CLEC4A: variants seen among roughly 807,000 people sequenced by gnomAD.
CLEC4A encodes the protein C-type lectin domain family 4 member A, also known as C-type (calcium dependent, carbohydrate-recognition domain) lectin, superfamily member 6.
A neutral mutation model predicts 32.7 loss-of-function variants in CLEC4A; 27 were observed. That is an observed-to-expected ratio of 0.83 (90% CI 0.61 to 1.14). The LOEUF (loss-of-function observed/expected upper bound fraction) is 1.14, where lower values mean the gene tolerates loss of function less well. Ranked by LOEUF, CLEC4A falls within the 50% of genes most tolerant of loss-of-function variation. The pLI, the probability that CLEC4A is intolerant of heterozygous loss-of-function variation, is 0.00. For synonymous variants in CLEC4A, 89 were observed against 93.7 expected (o/e 0.95, Z 0.29); for missense variants, 253 against 274.6 (o/e 0.92, Z 0.55).
At chr12:8,129,065 T>C (rs1307199012) in intron 2 of CLEC4A, among the ~76,000 whole-genome samples, 199 bp from the exon 3 acceptor site, 1 of 152,136 alleles carries the variant, frequency 6.6e-6, no homozygotes. Flanking sequence ...ATGATGGAAC[T>C]GTTGTGTCCT....
chr12:8,105,579 C>T, the CLEC4A span, among the ~76,000 whole-genome samples: 65 of 151,820 alleles, frequency 4.3e-4, no homozygotes, highest in East Asian at 1.2e-3. Flanking sequence ...CTCAAACTCC[C>T]GACCTCATGA....
chr12:8,109,684 C>G, the CLEC4A span, among the ~76,000 whole-genome samples: 2 of 152,034 alleles, frequency 1.3e-5, no homozygotes, highest in Non-Finnish European at 2.9e-5. Flanking sequence ...CCACTGTACT[C>G]CAGCTTGGGG....
intron 3 of CLEC4A, among the ~76,000 whole-genome samples, chr12:8,129,681 C>A (rs1311028059): frequency 1.3e-5 from 2 of 152,072 alleles, no homozygotes; most frequent in Non-Finnish European, 2.9e-5. Context: ...ATCCCAGCTA[C>A]TCGGGAGGCT....
chr12:8,123,874 C>G lies in CLEC4A; in HGVS notation c.-5C>G. 1.6e-5 allele frequency: 26 copies of G among 1,601,850 alleles called. No homozygotes were observed. Among genetic ancestry groups the G allele is most frequent in the Non-Finnish European group, 2.1e-5 (25 of 1,168,908 alleles). ...TCTGAAGAAAGCAGAAGCTCTCTTC[C>G]CATTATGACTTCGGAAATCACTTAT... On this transcript the variant is annotated 5_prime_UTR_variant, in exon 1 of 6. Transcript: ENST00000229332.
chr12:8,104,971 T>A, the CLEC4A span, among the ~76,000 whole-genome samples: 1 of 152,204 alleles, frequency 6.6e-6, no homozygotes, highest in African/African-American at 2.4e-5. Flanking sequence ...TTATCCAGTC[T>A]ACCATTGATG....
At chr12:8,125,726 G>C (rs776803972) in intron 2 of CLEC4A, 49 bp downstream of exon 2, 1 of 1,099,236 alleles carries the variant, frequency 9.1e-7, no homozygotes, top group Non-Finnish European at 1.4e-6. Context: ...TCCATGAACA[G>C]AGGGTATCCT....
intron 5 of CLEC4A, 41 bp downstream of exon 5, chr12:8,136,944 C>A: frequency 7.4e-7 from 1 of 1,359,146 alleles, no homozygotes; most frequent in Non-Finnish European, 1.0e-6. Context: ...GGTCCTGGAT[C>A]ATGCAGAGAG....
Position 8,134,973 on chromosome 12 carries a change from G to GTTTT in CLEC4A, c.299-610_299-607dup, listed in dbSNP as rs371181779. 192 of 318,836 alleles carry GTTTT rather than the reference G, an allele frequency of 6.0e-4. 17 individuals are homozygous for GTTTT. Among genetic ancestry groups the GTTTT allele is most frequent in the African/African-American group, 2.8e-3 (57 of 20,192 alleles). The allele number at this position is 318,836 out of a possible 1,614,324, so 19.8% of individuals were successfully genotyped here. A position where few individuals can be genotyped will look rare whatever the true frequency, so the allele number is the denominator to read the frequency against. ...CATGTCTGTATCTTCTTGTTGAAGC[G>GTTTT]TTTTTGTTTTTTGTTTTTTTTTAAT... is the stretch of plus-strand genomic sequence containing the variant. On this transcript the variant is annotated intron_variant, in intron 3 of 5. Coordinates refer to ENST00000229332, the MANE Select transcript of CLEC4A (RefSeq NM_016184.4).
chr12:8,124,903 G>A (rs1947875376), intron 1 of CLEC4A, among the ~76,000 whole-genome samples: 1 of 152,014 alleles, frequency 6.6e-6, no homozygotes, highest in South Asian at 2.1e-4. Flanking sequence ...CATATAATGT[G>A]CATATGTATT....
chr12:8,127,188 G>A (rs4883072), intron 2 of CLEC4A, among the ~76,000 whole-genome samples: 86,179 of 152,034 alleles, frequency 0.57, 25,895 homozygotes, highest in Non-Finnish European at 0.68. Flanking sequence ...AGCTTCTGAG[G>A]AACAGGATGT....
chr12:8,133,231 A>G (rs963157422), intron 3 of CLEC4A, among the ~76,000 whole-genome samples: 2 of 151,704 alleles, frequency 1.3e-5, no homozygotes, highest in Non-Finnish European at 2.9e-5. Context: ...TGGTATTTTT[A>G]GTAGAGACAG....
At chr12:8,135,002 GGCTGCTTTTAAATC>G (rs1948083097) in intron 3 of CLEC4A, among the ~76,000 whole-genome samples, 18 of 8,800 alleles carry the variant, frequency 2.0e-3, no homozygotes, top group Admixed American at 3.6e-3. Flanking sequence ...TTTTAATCAT[GGCTGCTTTTAAATC>G]TTTGTCAGAT....
chr12:8,134,657 C>T (rs779456672), intron 3 of CLEC4A: 8 of 1,593,894 alleles, frequency 5.0e-6, no homozygotes, highest in African/African-American at 4.0e-5. Flanking sequence ...ACTCATACGG[C>T]GGGGGACATG....
chr12:8,136,050 A>C (rs1948110922), intron 4 of CLEC4A, among the ~76,000 whole-genome samples: 1 of 152,234 alleles, frequency 6.6e-6, no homozygotes, highest in Admixed American at 6.5e-5. Flanking sequence ...CTACTTAACA[A>C]AGAAGAGGTA....
At chr12:8,112,865 C>T in the CLEC4A span, among the ~76,000 whole-genome samples, 1 of 152,182 alleles carries the variant, frequency 6.6e-6, no homozygotes, top group Non-Finnish European at 1.5e-5. Flanking sequence ...AACTTACATA[C>T]ACAGAGGCCT....
chr12:8,133,452 A>C (rs1447398744), intron 3 of CLEC4A, among the ~76,000 whole-genome samples: 1 of 150,082 alleles, frequency 6.7e-6, no homozygotes, highest in Non-Finnish European at 1.5e-5. Context: ...GAGTCCATCC[A>C]CTGAGCTTTT....
intron 3 of CLEC4A, among the ~76,000 whole-genome samples, chr12:8,131,612 A>T (rs1020975765): frequency 1.3e-5 from 2 of 152,054 alleles, no homozygotes; most frequent in African/African-American, 4.8e-5. Context: ...TGTAAATCTC[A>T]TCCAAAAGCA....
the CLEC4A span, among the ~76,000 whole-genome samples, chr12:8,113,264 G>A: frequency 6.6e-6 from 1 of 152,002 alleles, no homozygotes; most frequent in South Asian, 2.1e-4. Flanking sequence ...ATGGTTACCA[G>A]TTTCATCCAT....
intron 3 of CLEC4A, among the ~76,000 whole-genome samples, chr12:8,129,939 G>C (rs1373412609): frequency 1.3e-5 from 2 of 152,202 alleles, no homozygotes; most frequent in East Asian, 3.8e-4. Flanking sequence ...GGGCTCAAGT[G>C]ATCCTCCCAT....
Sources: allele counts gnomAD v4.1 joint callset (sites outside exome capture counted in the v4.1 genomes callset), GRCh38; gene constraint gnomAD v4.1.1; transcripts MANE v1.5; gene names NCBI Gene and HGNC (gene_info 2026-07-23, HGNC 2026-07-21).